RIPOR2: variants seen among roughly 807,000 people sequenced by gnomAD.
The protein encoded by RIPOR2 is RHO family interacting cell polarization regulator 2, also known as rho family-interacting cell polarization regulator 2.
RIPOR2 carries 39 observed loss-of-function variants against 114.5 expected under a neutral mutation model. That is an observed-to-expected ratio of 0.34 (90% CI 0.26 to 0.44). The LOEUF (loss-of-function observed/expected upper bound fraction) is 0.44. Ranked by LOEUF, RIPOR2 falls within the 20% of genes least tolerant of loss-of-function variation. The pLI, the probability that RIPOR2 is intolerant of heterozygous loss-of-function variation, is 1.00. For missense variants in RIPOR2, 1,007 were observed against 1,255.1 expected, an observed-to-expected ratio of 0.80 and a Z score of 2.99; for synonymous variants, 445 against 484.4, an observed-to-expected ratio of 0.92 and a Z score of 1.07.
chr6:24,860,935 G>C (rs774799453), intron 8 of RIPOR2, 38 bp downstream of exon 8: 3 of 1,349,754 alleles, frequency 2.2e-6, no homozygotes, highest in Non-Finnish European at 3.2e-6. Flanking sequence ...ACTCTGCAGA[G>C]ATGGCTCCTT....
At chr6:25,016,486 CT>C (rs1346528404) in intron 1 of RIPOR2, among the ~76,000 whole-genome samples, 1 of 152,162 alleles carries the variant, frequency 6.6e-6, no homozygotes, top group Non-Finnish European at 1.5e-5. Context: ...ACATTTGTTA[CT>C]GCACTTAAGC....
At chr6:24,935,499 C>T (rs1411743291) in intron 1 of RIPOR2, among the ~76,000 whole-genome samples, 1 of 152,148 alleles carries the variant, frequency 6.6e-6, no homozygotes, top group Non-Finnish European at 1.5e-5. Flanking sequence ...GCTCAAACCA[C>T]TGTGACAGGC....
At chr6:24,940,817 ATTGT>A (rs1772089700), upstream of RIPOR2, among the ~76,000 whole-genome samples, 2 of 151,950 alleles carry the variant, frequency 1.3e-5, no homozygotes, top group African/African-American at 2.4e-5. Flanking sequence ...TGCCCAGCTA[ATTGT>A]TTGTGTATTT....
Position 25,031,918 on chromosome 6 carries a change from T to C in RIPOR2, c.76+9933A>G, listed in dbSNP as rs368478855. Among the ~76,000 whole-genome samples the C allele has an allele frequency of 2.0e-5, 3 of 150,834 alleles. No individual in the cohort carries two copies. In the East Asian group the frequency reaches 5.8e-4, roughly 29 times the overall value. ...TATGTGAAACGTATTAATAATAAAA[T>C]GTTGGAAAACATTTGAAAATACATC... On this transcript the variant is annotated intron_variant, in intron 1 of 13. Coordinates refer to the RIPOR2 transcript ENST00000510784.
chr6:24,820,267 G>T (rs1229958994), intron 19 of RIPOR2, among the ~76,000 whole-genome samples: 7 of 152,124 alleles, frequency 4.6e-5, no homozygotes, highest in African/African-American at 1.7e-4. Flanking sequence ...TCCTGACCTT[G>T]TGATCCGTCC....
At chr6:24,985,513 C>T (rs1774491683) in intron 1 of RIPOR2, among the ~76,000 whole-genome samples, 1 of 152,112 alleles carries the variant, frequency 6.6e-6, no homozygotes, top group South Asian at 2.1e-4. Flanking sequence ...GATTATAAAC[C>T]TGAGAATGGA....
At chr6:24,976,988 C>T (rs1774088792) in intron 1 of RIPOR2, 2 of 1,526,626 alleles carry the variant, frequency 1.3e-6, no homozygotes, top group Admixed American at 1.7e-5. Context: ...ATAAGTTTGA[C>T]TTGTGTTTTA....
chr6:24,872,245 G>C lies in RIPOR2; in HGVS notation c.423+636C>G, dbSNP rs1351060011. ...GAAATTTGCAACATAATATGTACTTGATCTGGTCTAAGAACTCTTAACTTC... is the reference window on the plus strand; with the variant it reads ...GAAATTTGCAACATAATATGTACTTCATCTGGTCTAAGAACTCTTAACTTC... On this transcript the variant is annotated intron_variant, in intron 4 of 21. Transcript: ENST00000643898. 2.0e-5 allele frequency among the ~76,000 whole-genome samples: 3 copies of C among 152,152 alleles called. No individual in the cohort carries two copies. In the East Asian group the frequency reaches 5.8e-4, roughly 29 times the overall value.
At chr6:25,009,438 T>C (rs948829399) in intron 1 of RIPOR2, among the ~76,000 whole-genome samples, 8 of 152,206 alleles carry the variant, frequency 5.3e-5, no homozygotes, top group Admixed American at 1.3e-4. Flanking sequence ...AAGTCCATAT[T>C]CCTCCAGAAA....
rs1301344584 is a variant in RIPOR2, at chr6:24,829,597, C to T, written c.2506+912G>A. Among the ~76,000 whole-genome samples, 4 of 152,108 alleles carry T rather than the reference C, an allele frequency of 2.6e-5. No individual in the cohort carries two copies. The East Asian group carries it at 7.7e-4, about 29-fold the overall frequency. On this transcript the variant is annotated intron_variant, in intron 17 of 21. Coordinates refer to ENST00000643898, the MANE Select transcript of RIPOR2 (RefSeq NM_001286445.3). ...AGCTGTTAAAACATCACTGCGTTCC[C>T]CCTGGATGACAGGGTGAGACCTTGT...
chr6:24,915,873 T>A (rs1169285067), intron 1 of RIPOR2, among the ~76,000 whole-genome samples: 26 of 152,192 alleles, frequency 1.7e-4, no homozygotes, highest in Admixed American at 1.7e-3. Context: ...CCCTTGGCAC[T>A]GCAGTTGGTT....
At chr6:24,914,197 G>A (rs765999345) in intron 1 of RIPOR2, among the ~76,000 whole-genome samples, 6 of 152,050 alleles carry the variant, frequency 3.9e-5, no homozygotes, top group Non-Finnish European at 5.9e-5. Context: ...TTAGCCGGGC[G>A]TGGTGGCAGG....
At chr6:24,833,004 G>A (rs557150091) in intron 15 of RIPOR2, among the ~76,000 whole-genome samples, 3 of 152,300 alleles carry the variant, frequency 2.0e-5, no homozygotes, top group African/African-American at 7.2e-5. Flanking sequence ...GAGGCACAGA[G>A]AGGTTAAGTA....
chr6:24,894,889 T>A (rs996743823), intron 1 of RIPOR2, among the ~76,000 whole-genome samples: 14 of 152,198 alleles, frequency 9.2e-5, no homozygotes, highest in African/African-American at 3.1e-4. Context: ...TTTAATGGGT[T>A]TATTTGAAGA....
At chr6:25,020,056 C>G (rs559275782) in intron 1 of RIPOR2, among the ~76,000 whole-genome samples, 25 of 152,012 alleles carry the variant, frequency 1.6e-4, no homozygotes, top group Middle Eastern at 6.8e-3. Flanking sequence ...AGTGGGATTA[C>G]AGGATATTTT....
At chr6:24,889,350 G>T (rs1271839630) in intron 1 of RIPOR2, among the ~76,000 whole-genome samples, 1 of 152,096 alleles carries the variant, frequency 6.6e-6, no homozygotes, top group East Asian at 1.9e-4. Context: ...ATTCACCCGC[G>T]ACCTGAAGTA....
intron 6 of RIPOR2, 61 bp from the exon 7 acceptor site, chr6:24,865,511 C>CAT: frequency 7.5e-7 from 1 of 1,338,218 alleles, no homozygotes; most frequent in Non-Finnish European, 1.0e-6. Context: ...ATACATAGAT[C>CAT]ATTGTTACAT....
intron 1 of RIPOR2, among the ~76,000 whole-genome samples, chr6:24,979,445 T>G (rs1438695600): frequency 6.6e-6 from 1 of 152,122 alleles, no homozygotes; most frequent in East Asian, 1.9e-4. Flanking sequence ...TCTGCAAACC[T>G]GACACAAAAA....
chr6:24,976,947 A>G (rs1561820548), intron 1 of RIPOR2: 1 of 1,546,364 alleles, frequency 6.5e-7, no homozygotes, highest in Admixed American at 1.7e-5. Flanking sequence ...ACCAGCAAGA[A>G]GATCACCATT....
Sources: allele counts gnomAD v4.1 joint callset (sites outside exome capture counted in the v4.1 genomes callset), GRCh38; gene constraint gnomAD v4.1.1; transcripts MANE v1.5; gene names NCBI Gene and HGNC (gene_info 2026-07-23, HGNC 2026-07-21).